ESYT2: variants seen among roughly 807,000 people sequenced by gnomAD.
ESYT2 encodes the protein extended synaptotagmin-2.
In ESYT2, 54 loss-of-function variants were observed where a neutral mutation model predicts 107.2. The observed-to-expected ratio is 0.50, with a 90% confidence interval of 0.40 to 0.63. ESYT2 has a LOEUF of 0.63. ESYT2 is among the 30% of genes least tolerant of loss of function. The pLI is 0.00. For missense variants in ESYT2, 1,020 were observed against 1,094.5 expected (o/e 0.93, Z 0.96); for synonymous variants, 491 against 434.1 (o/e 1.13, Z -1.63).
intron 8 of ESYT2, among the ~76,000 whole-genome samples, chr7:158,765,147 G>A (rs369022194): frequency 8.5e-5 from 13 of 152,150 alleles, no homozygotes; most frequent in African/African-American, 3.1e-4. Context: ...AGGACAGACA[G>A]CCCCACGCAG....
At chr7:158,785,147 G>A (rs1357678328) in intron 6 of ESYT2, among the ~76,000 whole-genome samples, 4 of 152,182 alleles carry the variant, frequency 2.6e-5, no homozygotes, top group Admixed American at 2.6e-4. Flanking sequence ...TAGTGGCCGG[G>A]CACGGTGGCT....
chr7:158,737,200 A>T, intron 19 of ESYT2, 21 bp from the exon 20 acceptor site: 6 of 1,612,078 alleles, frequency 3.7e-6, no homozygotes, highest in Non-Finnish European at 5.1e-6. Flanking sequence ...AAACCAGATA[A>T]GACGAGGTAT....
chr7:158,792,467 G>T (rs1839328296), intron 4 of ESYT2, among the ~76,000 whole-genome samples: 2 of 151,352 alleles, frequency 1.3e-5, no homozygotes, highest in South Asian at 2.1e-4. Context: ...GGTCGAAGCT[G>T]CAGTGAGCCA....
At chr7:158,767,855 C>T (rs1487858514) in intron 7 of ESYT2, 81 bp from the exon 8 acceptor site, 2 of 1,492,882 alleles carry the variant, frequency 1.3e-6, no homozygotes, top group Admixed American at 2.0e-5. Context: ...AGACTTACCA[C>T]GAATATGATG....
chr7:158,757,009 C>A (rs898992210), intron 13 of ESYT2, among the ~76,000 whole-genome samples: 4 of 149,966 alleles, frequency 2.7e-5, no homozygotes, highest in Admixed American at 1.3e-4. Flanking sequence ...TTGAGATGAA[C>A]CACAAGAAAA....
At chr7:158,819,385 T>C (rs1029660740) in intron 1 of ESYT2, among the ~76,000 whole-genome samples, 3 of 152,264 alleles carry the variant, frequency 2.0e-5, no homozygotes, top group Non-Finnish European at 2.9e-5. Flanking sequence ...ATTCTATTTT[T>C]AACTCTTCTC....
intron 19 of ESYT2, among the ~76,000 whole-genome samples, chr7:158,738,200 T>A (rs1837035026): frequency 6.6e-6 from 1 of 151,786 alleles, no homozygotes; most frequent in Non-Finnish European, 1.5e-5. Context: ...TAATCCCACC[T>A]ACTCGGGTGG....
chr7:158,769,774 T>A (rs1165900930), intron 7 of ESYT2, among the ~76,000 whole-genome samples: 2 of 152,178 alleles, frequency 1.3e-5, no homozygotes, highest in African/African-American at 2.4e-5. Context: ...AGTTATGGTG[T>A]AGTGAAGGAA....
intron 3 of ESYT2, among the ~76,000 whole-genome samples, chr7:158,796,569 G>A (rs1366564240): frequency 3.9e-5 from 6 of 152,222 alleles, no homozygotes; most frequent in Admixed American, 2.0e-4. Flanking sequence ...TAGTGCTTCC[G>A]AAAAGGGCGT....
intron 12 of ESYT2, 71 bp downstream of exon 12, chr7:158,759,987 C>T: frequency 3.5e-6 from 5 of 1,421,864 alleles, no homozygotes; most frequent in Non-Finnish European, 5.0e-6. Flanking sequence ...AGCAACACAA[C>T]TGAGAGACCA....
At chr7:158,737,951 T>C (rs1837027279) in intron 19 of ESYT2, among the ~76,000 whole-genome samples, 1 of 152,202 alleles carries the variant, frequency 6.6e-6, no homozygotes, top group African/African-American at 2.4e-5. Context: ...CTTATTAATA[T>C]AACAAACAAG....
chr7:158,742,030 A>T, intron 17 of ESYT2, 134 bp from the exon 18 acceptor site: 1 of 995,180 alleles, frequency 1.0e-6, no homozygotes, highest in Non-Finnish European at 1.4e-6. Context: ...TTTTTAAAGG[A>T]AAGTTTAGGT....
At chr7:158,826,028 A>G (rs546304900) in intron 1 of ESYT2, among the ~76,000 whole-genome samples, 1 of 151,626 alleles carries the variant, frequency 6.6e-6, no homozygotes, top group East Asian at 1.9e-4. Flanking sequence ...CTAGAAAAAA[A>G]AAAAAACAAA....
chr7:158,799,311 C>T (rs1031512858), intron 1 of ESYT2, among the ~76,000 whole-genome samples: 2 of 152,226 alleles, frequency 1.3e-5, no homozygotes, highest in Non-Finnish European at 2.9e-5. Context: ...AAAATGCCAT[C>T]AGAGTCTTCT....
intron 16 of ESYT2, among the ~76,000 whole-genome samples, chr7:158,747,561 C>T (rs1837447877): frequency 1.3e-5 from 2 of 152,154 alleles, no homozygotes; most frequent in African/African-American, 4.8e-5. Context: ...ACTAACACCA[C>T]AGCACTGGCG....
rs373576880 is a variant in ESYT2 at position 158,797,983 on chromosome 7, G to T, written c.466C>A (p.Leu156Ile). ...ACCTTCGTGAAACTAAAGGTGCTAA[G>T]GTGGGTGTTTGCTCCCCGCACGGCT... ...EPAVRGANTHLSTFSFTKVDV... is the reference protein window; with the variant it reads ...EPAVRGANTHISTFSFTKVDV... Residue 156 changes from leucine to isoleucine, a missense_variant, in exon 3 of 23, where the codon CTT becomes ATT. By Grantham distance (5) the Leu-to-Ile change is conservative. Transcript: ENST00000275418. 1.2e-6 allele frequency: 2 copies of T among 1,614,020 alleles called. No individual in the cohort carries two copies. Among genetic ancestry groups the T allele is most frequent in the Admixed American group, 1.7e-5 (1 of 60,012 alleles).
chr7:158,753,849 T>C (rs1445203157), intron 13 of ESYT2, among the ~76,000 whole-genome samples: 3 of 152,004 alleles, frequency 2.0e-5, no homozygotes, highest in South Asian at 2.1e-4. Context: ...TCATATACAA[T>C]GAGGATGAGA....
At chr7:158,808,043 T>G (rs1395316635) in intron 1 of ESYT2, among the ~76,000 whole-genome samples, 1 of 152,142 alleles carries the variant, frequency 6.6e-6, no homozygotes, top group East Asian at 1.9e-4. Context: ...AAACATTCCT[T>G]TTTTTATTAG....
chr7:158,828,281 T>TA (rs1840513669), intron 1 of ESYT2, among the ~76,000 whole-genome samples: 2 of 152,214 alleles, frequency 1.3e-5, no homozygotes, highest in Admixed American at 6.5e-5. Flanking sequence ...TTACGTTTTT[T>TA]AAAAAACAGA....
Sources: gnomAD v4.1 joint callset for allele counts (sites outside exome capture counted in the v4.1 genomes callset) on GRCh38, gnomAD v4.1.1 for gene constraint, MANE v1.5 for transcripts, NCBI Gene and HGNC (gene_info 2026-07-23, HGNC 2026-07-21) for gene names.